SAMD4A: variants seen among roughly 807,000 people sequenced by gnomAD.
SAMD4A encodes the protein protein Smaug homolog 1.
SAMD4A carries 33 observed loss-of-function variants against 81.3 expected under a neutral mutation model. The observed-to-expected ratio is 0.41, with a 90% CI of 0.31 to 0.54. The LOEUF (loss-of-function observed/expected upper bound fraction) is 0.54. SAMD4A is among the 20% of genes least tolerant of loss of function. The pLI, the probability that SAMD4A is intolerant of heterozygous loss-of-function variation, is 0.37. For missense variants in SAMD4A, 854 were observed against 951.1 expected, an observed-to-expected ratio of 0.90 and a Z score of 1.34; for synonymous variants, 389 against 382.1, an observed-to-expected ratio of 1.02 and a Z score of -0.21.
At chr14:54,609,669 C>T (rs946860208) in intron 2 of SAMD4A, among the ~76,000 whole-genome samples, 3 of 152,188 alleles carry the variant, frequency 2.0e-5, no homozygotes, top group Non-Finnish European at 4.4e-5. Flanking sequence ...CTGTAATTGA[C>T]GAGTGCATCA....
intron 6 of SAMD4A, among the ~76,000 whole-genome samples, chr14:54,756,371 G>A (rs531578526): frequency 3.3e-5 from 5 of 152,240 alleles, no homozygotes; most frequent in South Asian, 2.1e-4. Flanking sequence ...CACGTATAGC[G>A]TCCTGTCATC....
intron 8 of SAMD4A, among the ~76,000 whole-genome samples, chr14:54,765,460 G>GAAA (rs11408246): frequency 1.2e-4 from 14 of 119,412 alleles, no homozygotes; most frequent in South Asian, 3.0e-4. Context: ...CTGTCACTAC[G>GAAA]AAAAAAAAAA....
At chr14:54,784,379 G>C (rs565528300) in intron 11 of SAMD4A, 158 bp from the exon 12 acceptor site, 4 of 1,569,670 alleles carry the variant, frequency 2.5e-6, no homozygotes, top group Non-Finnish European at 3.5e-6. Flanking sequence ...ACAGACCTTA[G>C]AGGTTGGTTG....
chr14:54,634,274 A>G (rs1357417314), intron 2 of SAMD4A, among the ~76,000 whole-genome samples: 2 of 92,344 alleles, frequency 2.2e-5, no homozygotes, highest in Non-Finnish European at 3.9e-5. Flanking sequence ...CGACAGAGCA[A>G]GACTCCATCT....
intron 12 of SAMD4A, 136 bp from the exon 13 acceptor site, chr14:54,788,780 C>A: frequency 9.8e-7 from 1 of 1,017,382 alleles, no homozygotes; most frequent in Non-Finnish European, 1.5e-6. Flanking sequence ...TATGTAAATG[C>A]GTGAACACAT....
chr14:54,570,142 G>C (rs554288825), intron 2 of SAMD4A, among the ~76,000 whole-genome samples: 1 of 152,270 alleles, frequency 6.6e-6, no homozygotes, highest in South Asian at 2.1e-4. Flanking sequence ...CCTTCGCCTA[G>C]ACGTTTTGCC....
At chr14:54,669,641 T>C (rs2035834224) in intron 2 of SAMD4A, among the ~76,000 whole-genome samples, 1 of 151,980 alleles carries the variant, frequency 6.6e-6, no homozygotes, top group African/African-American at 2.4e-5. Flanking sequence ...CTTTCTTTAG[T>C]CCACTGTTGG....
intron 3 of SAMD4A, among the ~76,000 whole-genome samples, chr14:54,719,462 G>T (rs2037207350): frequency 6.6e-6 from 1 of 152,166 alleles, no homozygotes; most frequent in Non-Finnish European, 1.5e-5. Flanking sequence ...TAGCAATGGA[G>T]GCGGCCTGGT....
chr14:54,669,749 T>C lies in SAMD4A; in HGVS notation c.197-32313T>C, dbSNP rs2035837118. Among the ~76,000 whole-genome samples the C allele has an allele frequency of 2.6e-5, 4 of 152,188 alleles. No individual in the cohort carries two copies. In the South Asian group the frequency reaches 6.2e-4, roughly 24 times the overall value. ...CACAGAAAAGTCTGTCTTAAACATA[T>C]TGTGAGCTTCAGAGCATGTTAAAGA... On this transcript the variant is annotated intron_variant, in intron 2 of 12. Transcript: ENST00000554335.
chr14:54,645,378 G>C (rs2035264602), intron 2 of SAMD4A, among the ~76,000 whole-genome samples: 1 of 152,172 alleles, frequency 6.6e-6, no homozygotes, highest in Non-Finnish European at 1.5e-5. Flanking sequence ...CATAACTACT[G>C]TTAAGGTTTC....
chr14:54,736,986 G>T (rs372654902), intron 3 of SAMD4A, 38 bp from the exon 4 acceptor site: 50 of 1,605,940 alleles, frequency 3.1e-5, no homozygotes, highest in Admixed American at 3.0e-4. Flanking sequence ...AGGATAAAGG[G>T]GGGGGAATAA....
chr14:54,760,403 G>T lies in SAMD4A; in HGVS notation c.1419G>T (p.Pro473=). ...CCGGGGCCAGCGGGGGGCTCCAGCC[G>T]CACCAGCTGAGCAGCTGCGATGGGG... is the stretch of plus-strand genomic sequence containing the variant. ...PSAGASGGLQ[P]HQLSSCDGEL... Residue 473 remains proline (P), a synonymous_variant, in exon 7 of 13, where the codon CCG becomes CCT. Coordinates refer to ENST00000554335, the MANE Select transcript of SAMD4A (RefSeq NM_015589.6). The T allele has an allele frequency of 1.4e-6, 2 of 1,481,136 alleles. No individual in the cohort carries two copies. Among genetic ancestry groups the T allele is most frequent in the Non-Finnish European group, 8.9e-7 (1 of 1,128,072 alleles). 91.7% of individuals were successfully genotyped at this position (1,481,136 alleles called of 1,614,324 possible).
At chr14:54,698,431 C>T (rs751362094) in intron 2 of SAMD4A, among the ~76,000 whole-genome samples, 9 of 152,198 alleles carry the variant, frequency 5.9e-5, no homozygotes, top group Non-Finnish European at 7.3e-5. Flanking sequence ...TCCATTCTGC[C>T]ACTTCACTAG....
intron 3 of SAMD4A, among the ~76,000 whole-genome samples, chr14:54,732,114 A>G (rs542437417): frequency 1.1e-4 from 16 of 152,346 alleles, no homozygotes; most frequent in African/African-American, 3.8e-4. Flanking sequence ...TCTCTGTCAA[A>G]TGAGTGTGCT....
chr14:54,655,222 G>A lies in SAMD4A; in HGVS notation c.197-46840G>A, dbSNP rs538728677. Reference sequence around the variant, plus strand: ...TTTCAGAGACCACATTGATGGATCAGTCTGCCTCCCAGTCATATGTCCTTC... The same window carrying A: ...TTTCAGAGACCACATTGATGGATCAATCTGCCTCCCAGTCATATGTCCTTC... On this transcript the variant is annotated intron_variant, in intron 2 of 12. Coordinates refer to ENST00000554335, the MANE Select transcript of SAMD4A (RefSeq NM_015589.6). 5.9e-5 allele frequency among the ~76,000 whole-genome samples: 9 copies of A among 152,284 alleles called. 1 individual carries two copies. The East Asian group carries it at 1.2e-3, about 20-fold the overall frequency.
chr14:54,565,553 C>T (rs2032904099), upstream of SAMD4A, among the ~76,000 whole-genome samples: 1 of 152,214 alleles, frequency 6.6e-6, no homozygotes, highest in Non-Finnish European at 1.5e-5. The surrounding 1 kb of genome is among the most constrained non-coding windows in gnomAD (Gnocchi z 5.4). Flanking sequence ...GAACCCTTCG[C>T]CTCCACGACC....
At chr14:54,714,939 A>G (rs35539578) in intron 3 of SAMD4A, among the ~76,000 whole-genome samples, 15,674 of 152,228 alleles carry the variant, frequency 0.1, 974 homozygotes, top group South Asian at 0.19. Context: ...TTCTAGTGAT[A>G]TATATTACTA....
At chr14:54,760,870 A>G (rs943131211) in intron 7 of SAMD4A, among the ~76,000 whole-genome samples, 2 of 152,142 alleles carry the variant, frequency 1.3e-5, no homozygotes, top group African/African-American at 2.4e-5. Flanking sequence ...CCTCTCTCCA[A>G]AGCAAAAGCG....
At chr14:54,760,620 T>C in intron 7 of SAMD4A, 126 bp downstream of exon 7, 2 of 1,332,278 alleles carry the variant, frequency 1.5e-6, no homozygotes, top group Non-Finnish European at 9.5e-7. Flanking sequence ...AGCTTCATCT[T>C]ACAGATAGGG....
Sources: allele counts gnomAD v4.1 joint callset (sites outside exome capture counted in the v4.1 genomes callset), GRCh38; gene constraint gnomAD v4.1.1; non-coding constraint Gnocchi (gnomAD v3.1); transcripts MANE v1.5; gene names NCBI Gene and HGNC (gene_info 2026-07-23, HGNC 2026-07-21).